SLIT3: variants seen among roughly 807,000 people sequenced by gnomAD.
SLIT3 encodes the protein slit homolog 3 protein.
SLIT3 carries 68 observed loss-of-function variants against 184.0 expected under a neutral mutation model. The ratio of observed to expected loss-of-function variants is 0.37; its 90% confidence interval spans 0.30 to 0.45. SLIT3 has a LOEUF of 0.45. Ranked by LOEUF, SLIT3 falls within the 20% of genes least tolerant of loss-of-function variation. SLIT3 has a pLI of 1.00. For synonymous variants in SLIT3, 831 were observed against 828.6 expected (o/e 1.00, Z -0.05); for missense variants, 1,707 against 2,026.0 (o/e 0.84, Z 3.02).
At chr5:168,708,267 G>A in intron 25 of SLIT3, 167 bp from the exon 26 acceptor site, 2 of 803,984 alleles carry the variant, frequency 2.5e-6, no homozygotes, top group Non-Finnish European at 4.0e-6. Context: ...TCCAGCTAGA[G>A]TCCCATTAAT....
intron 4 of SLIT3, among the ~76,000 whole-genome samples, chr5:169,182,972 G>GTTTC: frequency 6.6e-6 from 1 of 152,206 alleles, no homozygotes; most frequent in Admixed American, 6.5e-5. Flanking sequence ...ATTTTGTGCA[G>GTTTC]AAAGGGCTCA....
At chr5:168,701,577 A>C (rs1762213825) in intron 26 of SLIT3, among the ~76,000 whole-genome samples, 1 of 152,232 alleles carries the variant, frequency 6.6e-6, no homozygotes, top group African/African-American at 2.4e-5. Flanking sequence ...GGCAGCCCCA[A>C]GGTGGAGACT....
At chr5:169,276,823 G>A (rs1389557726) in intron 1 of SLIT3, among the ~76,000 whole-genome samples, 1 of 152,222 alleles carries the variant, frequency 6.6e-6, no homozygotes, top group Non-Finnish European at 1.5e-5. Context: ...TGAGGTGGAT[G>A]AGAAAAGAAT....
At chr5:169,193,362 C>G (rs868285060) in intron 4 of SLIT3, 117 bp downstream of exon 4, 10 of 820,358 alleles carry the variant, frequency 1.2e-5, no homozygotes, top group Admixed American at 3.6e-5. Context: ...CTCCAAGTCT[C>G]TATGTCAGGG....
intron 4 of SLIT3, among the ~76,000 whole-genome samples, chr5:169,140,408 A>G (rs1202528367): frequency 1.7e-5 from 2 of 118,810 alleles, no homozygotes; most frequent in Non-Finnish European, 3.3e-5. Flanking sequence ...TGTACCTGGG[A>G]GGCGGAGGTT....
chr5:169,144,173 C>T (rs187460425), intron 4 of SLIT3, among the ~76,000 whole-genome samples: 3 of 152,328 alleles, frequency 2.0e-5, no homozygotes, highest in Admixed American at 2.0e-4. Context: ...CCTCGCCCAG[C>T]TCTGTGCCCT....
intron 6 of SLIT3, among the ~76,000 whole-genome samples, chr5:168,832,947 A>G (rs1362202673): frequency 6.6e-6 from 1 of 152,194 alleles, no homozygotes; most frequent in East Asian, 1.9e-4. Context: ...TAAGAAAATC[A>G]AAGTGCTTCA....
At chr5:168,889,906 G>A (rs1038443624) in intron 4 of SLIT3, among the ~76,000 whole-genome samples, 2 of 152,148 alleles carry the variant, frequency 1.3e-5, no homozygotes, top group Non-Finnish European at 2.9e-5. Flanking sequence ...CACTTTGGGA[G>A]GTTGAGGCGG....
chr5:168,785,984 A>G lies in SLIT3; in HGVS notation c.1080-6T>C, dbSNP rs762348975. The G allele has an allele frequency of 3.4e-5, 54 of 1,600,276 alleles. No individual in the cohort carries two copies. Among genetic ancestry groups the G allele is most frequent in the African/African-American group, 5.4e-5 (4 of 74,638 alleles). ...TCTTGTTCCCATACAGGACCCTGAA[A>G]GAGAGAAGGAGAAGACAGCAATCAC... is the stretch of plus-strand genomic sequence containing the variant. On this transcript the variant is annotated splice_region_variant and splice_polypyrimidine_tract_variant and intron_variant, in intron 11 of 35. Coordinates refer to ENST00000519560, the MANE Select transcript of SLIT3 (RefSeq NM_003062.4).
chr5:169,261,426 GA>G (rs939740862), intron 1 of SLIT3, among the ~76,000 whole-genome samples: 1 of 152,130 alleles, frequency 6.6e-6, no homozygotes, highest in African/African-American at 2.4e-5. Flanking sequence ...GAGAAACACA[GA>G]TCTTTCTTCC....
intron 4 of SLIT3, among the ~76,000 whole-genome samples, chr5:169,114,153 T>C (rs1760555706): frequency 6.6e-6 from 1 of 151,914 alleles, no homozygotes. Flanking sequence ...GTCTAGAGAG[T>C]GGAGTGTGAC....
chr5:168,882,603 C>T (rs1581173374), intron 5 of SLIT3, among the ~76,000 whole-genome samples: 1 of 152,178 alleles, frequency 6.6e-6, no homozygotes, highest in Non-Finnish European at 1.5e-5. Context: ...AGTGTTGATA[C>T]TGTACTGCGG....
At chr5:169,160,740 A>AT (rs971268645) in intron 4 of SLIT3, among the ~76,000 whole-genome samples, 1 of 152,002 alleles carries the variant, frequency 6.6e-6, no homozygotes, top group Admixed American at 6.6e-5. Context: ...TTCAAAGCTG[A>AT]TTTTTTTCCA....
intron 6 of SLIT3, among the ~76,000 whole-genome samples, chr5:168,839,417 G>A (rs1039533492): frequency 6.6e-6 from 1 of 152,212 alleles, no homozygotes; most frequent in South Asian, 2.1e-4. Context: ...CGTCCAAGGA[G>A]GACAGGTGTT....
intron 4 of SLIT3, among the ~76,000 whole-genome samples, chr5:169,156,460 C>G (rs1479078393): frequency 6.6e-6 from 1 of 152,210 alleles, no homozygotes; most frequent in South Asian, 2.1e-4. Flanking sequence ...TCCTCGTGTT[C>G]GAGAAGCCTG....
intron 1 of SLIT3, among the ~76,000 whole-genome samples, chr5:169,279,026 G>A (rs1766909995): frequency 6.6e-6 from 1 of 152,204 alleles, no homozygotes; most frequent in South Asian, 2.1e-4. Context: ...GCTAGGTAAG[G>A]TGGTATTATC....
At chr5:169,121,852 T>G (rs551737766) in intron 4 of SLIT3, among the ~76,000 whole-genome samples, 1 of 152,308 alleles carries the variant, frequency 6.6e-6, no homozygotes, top group South Asian at 2.1e-4. Context: ...ATGACGCACA[T>G]GTGGTTATGC....
chr5:169,125,708 C>T (rs922069611), intron 4 of SLIT3, among the ~76,000 whole-genome samples: 4 of 152,174 alleles, frequency 2.6e-5, no homozygotes, highest in African/African-American at 9.7e-5. Flanking sequence ...CCTCCTACCA[C>T]ATTTTTCCCC....
intron 4 of SLIT3, among the ~76,000 whole-genome samples, chr5:168,924,071 G>C (rs1032185142): frequency 2.6e-5 from 4 of 152,234 alleles, no homozygotes; most frequent in Admixed American, 2.6e-4. Flanking sequence ...CACTGGACTA[G>C]ATAGAAGTCT....
Sources: gnomAD v4.1 joint callset for allele counts (sites outside exome capture counted in the v4.1 genomes callset) on GRCh38, gnomAD v4.1.1 for gene constraint, MANE v1.5 for transcripts, NCBI Gene and HGNC (gene_info 2026-07-23, HGNC 2026-07-21) for gene names.